CDH13: variants seen among roughly 807,000 people sequenced by gnomAD.
The protein encoded by CDH13 is cadherin-13.
A neutral mutation model predicts 63.8 loss-of-function variants in CDH13; 24 were observed. That is an observed-to-expected ratio of 0.38 (90% confidence interval 0.27 to 0.53). The LOEUF (loss-of-function observed/expected upper bound fraction) is 0.53, where lower values mean the gene tolerates loss of function less well. Among genes scored for constraint, CDH13 ranks in the 20% least tolerant of loss-of-function variants. The pLI, the probability that CDH13 is intolerant of heterozygous loss-of-function variation, is 0.85. For missense variants in CDH13, 1,049 were observed against 903.1 expected (o/e 1.16, Z -2.07); for synonymous variants, 503 against 355.3 (o/e 1.42, Z -4.67).
chr16:83,285,550 A>G (rs1212465799), intron 5 of CDH13, among the ~76,000 whole-genome samples: 1 of 152,202 alleles, frequency 6.6e-6, no homozygotes, highest in East Asian at 1.9e-4. Flanking sequence ...CCATAAAAAA[A>G]GCAATGTAAT....
At chr16:82,707,047 G>A (rs1233586783) in intron 1 of CDH13, among the ~76,000 whole-genome samples, 3 of 152,190 alleles carry the variant, frequency 2.0e-5, no homozygotes, top group Non-Finnish European at 4.4e-5. Flanking sequence ...TCAGATTGGA[G>A]GACAAGGCGT....
At chr16:83,332,529 AG>A (rs2090501850) in intron 5 of CDH13, among the ~76,000 whole-genome samples, 1 of 152,216 alleles carries the variant, frequency 6.6e-6, no homozygotes, top group Non-Finnish European at 1.5e-5. Flanking sequence ...GAAAGGAAAA[AG>A]GGCACGTAAA....
intron 6 of CDH13, among the ~76,000 whole-genome samples, chr16:83,435,648 C>T (rs964815298): frequency 6.6e-6 from 1 of 152,160 alleles, no homozygotes; most frequent in African/African-American, 2.4e-5. Context: ...TTGCTTTTCC[C>T]TGTACCTCAC....
At chr16:83,506,280 C>G (rs1191393399) in intron 7 of CDH13, among the ~76,000 whole-genome samples, 2 of 152,130 alleles carry the variant, frequency 1.3e-5, no homozygotes, top group Non-Finnish European at 2.9e-5. Flanking sequence ...ACTGATCTCT[C>G]TGGGGGTTGG....
At chr16:83,694,365 C>T (rs1183166758) in intron 10 of CDH13, among the ~76,000 whole-genome samples, 1 of 152,178 alleles carries the variant, frequency 6.6e-6, no homozygotes, top group Non-Finnish European at 1.5e-5. Context: ...TACTACCTCC[C>T]ACCAACACTG....
chr16:82,938,838 G>T (rs1028275743), intron 2 of CDH13, among the ~76,000 whole-genome samples: 1 of 152,218 alleles, frequency 6.6e-6, no homozygotes, highest in Non-Finnish European at 1.5e-5. Flanking sequence ...TATCCATCCT[G>T]AGGAGGGAGG....
At chr16:83,490,455 C>G (rs1445270485) in intron 7 of CDH13, among the ~76,000 whole-genome samples, 2 of 152,172 alleles carry the variant, frequency 1.3e-5, no homozygotes, top group Non-Finnish European at 2.9e-5. Flanking sequence ...CTTTCTTCTT[C>G]CCACCCTCCT....
intron 13 of CDH13, among the ~76,000 whole-genome samples, chr16:83,791,741 T>C (rs1194416239): frequency 1.4e-5 from 2 of 145,830 alleles, no homozygotes; most frequent in Non-Finnish European, 3.0e-5. Context: ...AACCCAGGAG[T>C]TGGAGGTTGC....
rs557193156 is a variant in CDH13 at position 83,090,684 on chromosome 16, C to G, written c.367-34701C>G. 2.2e-4 allele frequency among the ~76,000 whole-genome samples: 33 copies of G among 152,178 alleles called. No individual in the cohort carries two copies. In the South Asian group the frequency reaches 5.6e-3, roughly 26 times the overall value. ...CTCGGTAATCCCTCTGACTGACTCT[C>G]AAGTCTTCCCCGTCTGTCTGCTCCG... On this transcript the variant is annotated intron_variant, in intron 3 of 13. Transcript: ENST00000567109.
intron 6 of CDH13, among the ~76,000 whole-genome samples, chr16:83,365,752 G>A (rs2091247138): frequency 6.6e-6 from 1 of 152,194 alleles, no homozygotes; most frequent in Non-Finnish European, 1.5e-5. Context: ...AGAGAAATGA[G>A]GCCAAAGTTA....
intron 7 of CDH13, among the ~76,000 whole-genome samples, chr16:83,580,820 A>G (rs577565663): frequency 2.0e-5 from 3 of 152,038 alleles, no homozygotes; most frequent in African/African-American, 7.2e-5. Context: ...CCATTATTTT[A>G]CTTCTTTTAT....
At chr16:83,780,270 T>C (rs1388972196) in intron 12 of CDH13, 69 bp downstream of exon 12, 3 of 1,054,896 alleles carry the variant, frequency 2.8e-6, no homozygotes, top group East Asian at 5.2e-5. Context: ...CCCAAAATGC[T>C]GTTTCTCTAC....
intron 11 of CDH13, among the ~76,000 whole-genome samples, chr16:83,759,787 G>A (rs1913809632): frequency 6.6e-6 from 1 of 151,930 alleles, no homozygotes. Flanking sequence ...AATTATCCAA[G>A]TGGTGTGGCA....
At chr16:83,349,616 T>C (rs550071434) in intron 6 of CDH13, among the ~76,000 whole-genome samples, 1 of 151,184 alleles carries the variant, frequency 6.6e-6, no homozygotes, top group East Asian at 2.0e-4. Flanking sequence ...ATTATCACTA[T>C]TGAGACGGAG....
intron 3 of CDH13, among the ~76,000 whole-genome samples, chr16:83,113,001 G>A (rs986998709): frequency 1.3e-5 from 2 of 152,158 alleles, no homozygotes; most frequent in African/African-American, 4.8e-5. Flanking sequence ...GTGTTTGGAT[G>A]GCAGAAGTTA....
chr16:83,227,466 T>C (rs1322747466), intron 5 of CDH13, among the ~76,000 whole-genome samples: 1 of 152,142 alleles, frequency 6.6e-6, no homozygotes, highest in African/African-American at 2.4e-5. Context: ...TGGAGCAGGT[T>C]GGAAGCTGGT....
At chr16:83,155,020 C>T (rs373674349) in intron 4 of CDH13, among the ~76,000 whole-genome samples, 53 of 152,300 alleles carry the variant, frequency 3.5e-4, no homozygotes, top group African/African-American at 1.3e-3. Flanking sequence ...ATTTAATTCT[C>T]ATTTGGAAAA....
intron 11 of CDH13, among the ~76,000 whole-genome samples, chr16:83,777,994 T>C (rs1316220982): frequency 6.6e-6 from 1 of 152,248 alleles, no homozygotes; most frequent in African/African-American, 2.4e-5. Context: ...TGTACTACTG[T>C]ATAAAATTAT....
At chr16:83,182,811 G>A (rs2038387628) in intron 4 of CDH13, among the ~76,000 whole-genome samples, 1 of 152,110 alleles carries the variant, frequency 6.6e-6, no homozygotes, top group South Asian at 2.1e-4. Flanking sequence ...AAATGAGACT[G>A]ATTTCCCACG....
Sources: gnomAD v4.1 joint callset for allele counts (sites outside exome capture counted in the v4.1 genomes callset) on GRCh38, gnomAD v4.1.1 for gene constraint, MANE v1.5 for transcripts, NCBI Gene and HGNC (gene_info 2026-07-23, HGNC 2026-07-21) for gene names.